Variants in KRABD3 observed in about 807,000 individuals in gnomAD.
KRABD3 encodes KRAB domain-containing protein 3.
chr7:149,729,734 G>A, the KRABD3 span: 1 of 985,262 alleles, frequency 1.0e-6, no homozygotes, highest in African/African-American at 1.7e-5. Context: ...AATAAATGCG[G>A]TTTTGCTGAC....
At chr7:149,720,780 T>C in the KRABD3 span, 1 of 1,505,086 alleles carries the variant, frequency 6.6e-7, no homozygotes, top group South Asian at 1.2e-5. Context: ...CGCACGTAGG[T>C]GTGAGTGCTG....
the KRABD3 span, chr7:149,726,210 TCTTGGG>T: frequency 1.4e-6 from 1 of 702,826 alleles, no homozygotes; most frequent in Non-Finnish European, 2.3e-6. Context: ...GCGGGACTTA[TCTTGGG>T]TGGGTTGTGG....
the KRABD3 span, chr7:149,724,940 A>G: frequency 9.0e-7 from 1 of 1,110,646 alleles, no homozygotes; most frequent in Non-Finnish European, 1.2e-6. Flanking sequence ...AGCAGCTCTC[A>G]GCAGGGAGCC....
the KRABD3 span, chr7:149,715,154 C>T: frequency 8.1e-7 from 1 of 1,229,266 alleles, no homozygotes; most frequent in Non-Finnish European, 1.0e-6. Flanking sequence ...CCCGCAACTT[C>T]GGGATCGGCT....
the KRABD3 span, chr7:149,726,077 C>G: frequency 6.3e-7 from 1 of 1,599,124 alleles, no homozygotes; most frequent in Non-Finnish European, 8.5e-7. Context: ...TGGGCCAGCC[C>G]GAGGCTGGGG....
the KRABD3 span, chr7:149,728,680 T>G: frequency 2.5e-6 from 4 of 1,612,856 alleles, no homozygotes; most frequent in South Asian, 4.4e-5. Flanking sequence ...AGGAAGGTAA[T>G]AGTGGCTGCC....
the KRABD3 span, chr7:149,720,094 G>A: frequency 6.4e-7 from 1 of 1,552,168 alleles, no homozygotes; most frequent in Non-Finnish European, 8.7e-7. Flanking sequence ...CGCTGATGAG[G>A]GGCAGGAGCC....
the KRABD3 span, chr7:149,728,573 G>A: frequency 6.2e-7 from 1 of 1,613,808 alleles, no homozygotes; most frequent in Non-Finnish European, 8.5e-7. Context: ...TTGTCTCAAG[G>A]AGATACCTGT....
At chr7:149,728,159 T>C in the KRABD3 span, among the ~76,000 whole-genome samples, 1 of 152,170 alleles carries the variant, frequency 6.6e-6, no homozygotes, top group Non-Finnish European at 1.5e-5. Flanking sequence ...CTGCTGTGAG[T>C]GGTGAAGGAA....
At chr7:149,733,658 G>A in the KRABD3 span, 1 of 1,588,512 alleles carries the variant, frequency 6.3e-7, no homozygotes. Flanking sequence ...TGACCTGCAA[G>A]GACTCTCCAG....
the KRABD3 span, chr7:149,734,177 G>A: frequency 6.1e-6 from 8 of 1,309,018 alleles, no homozygotes; most frequent in Middle Eastern, 2.7e-4. Flanking sequence ...TGGGAGCCTC[G>A]CCCTTTGTCC....
the KRABD3 span, among the ~76,000 whole-genome samples, chr7:149,715,755 C>G: frequency 9.2e-5 from 14 of 152,306 alleles, no homozygotes; most frequent in East Asian, 2.7e-3. Context: ...CTGTGCCAGG[C>G]CCTTGGCGTC....
chr7:149,728,706 G>C, the KRABD3 span: 8 of 1,608,034 alleles, frequency 5.0e-6, no homozygotes, highest in East Asian at 1.1e-4. Flanking sequence ...CCTGGGTGTA[G>C]ACAGGGCTGC....
the KRABD3 span, chr7:149,715,235 C>G: frequency 8.2e-7 from 1 of 1,217,410 alleles, no homozygotes; most frequent in East Asian, 3.2e-5. Flanking sequence ...CAACCTCTCT[C>G]CAGCTCTCCG....
chr7:149,724,839 T>C, the KRABD3 span: 4 of 1,582,662 alleles, frequency 2.5e-6, no homozygotes, highest in Non-Finnish European at 3.4e-6. Flanking sequence ...GCTGGGGCCC[T>C]GAGGCTCAAG....
the KRABD3 span, chr7:149,725,755 A>T: frequency 1.1e-6 from 1 of 881,178 alleles, no homozygotes; most frequent in Non-Finnish European, 1.7e-6. Flanking sequence ...ATGGGAGTTG[A>T]ATCAGTGCCA....
chr7:149,729,186 A>G, the KRABD3 span: 3 of 1,501,090 alleles, frequency 2.0e-6, no homozygotes, highest in Non-Finnish European at 8.9e-7. Flanking sequence ...TCATTAAAAC[A>G]GGACTGAGGG....
At chr7:149,719,747 C>T in the KRABD3 span, 11 of 1,504,660 alleles carry the variant, frequency 7.3e-6, no homozygotes, top group South Asian at 3.8e-5. This position sits in a 1 kb window ranked among gnomAD's most constrained non-coding sequence, Gnocchi z 5.6. Context: ...TCCCTGGACC[C>T]GGCAGCCTTA....
the KRABD3 span, chr7:149,730,574 C>T: frequency 1.6e-5 from 25 of 1,609,488 alleles, no homozygotes; most frequent in Non-Finnish European, 2.0e-5. Context: ...TGCAGGTGAG[C>T]CTGGGGTCTC....
Sources: gnomAD v4.1 joint callset for allele counts (sites outside exome capture counted in the v4.1 genomes callset) on GRCh38, gnomAD v4.1.1 for gene constraint, Gnocchi (gnomAD v3.1) non-coding constraint, MANE v1.5 for transcripts, NCBI Gene and HGNC (gene_info 2026-07-23, HGNC 2026-07-21) for gene names.